Variants in TAFA5 observed in about 807,000 individuals in gnomAD.
TAFA5 encodes TAFA chemokine like family member 5.
In TAFA5, 6 loss-of-function variants were observed where a neutral mutation model predicts 15.3. That is an observed-to-expected ratio of 0.39 (90% confidence interval 0.21 to 0.77). The LOEUF (loss-of-function observed/expected upper bound fraction) is 0.77. TAFA5 is among the 30% of genes least tolerant of loss of function. The pLI is 0.41. For synonymous variants in TAFA5, 103 were observed against 80.7 expected (o/e 1.28, Z -1.48); for missense variants, 161 against 193.1 (o/e 0.83, Z 0.98).
rs113804777 is a variant in TAFA5 at position 48,631,136 on chromosome 22, A to T, written c.113-15461A>T. 2.9e-3 allele frequency among the ~76,000 whole-genome samples: 446 copies of T among 152,264 alleles called. 5 individuals are homozygous for T. The highest frequency in any genetic ancestry group is 9.9e-3 in the African/African-American group (413 of 41,552). ...AGCTCCTTCGGCTCACCCACTCGGGACGGTCAGGGGACCGGGGCTGGGATG... is the reference window on the plus strand; with the variant it reads ...AGCTCCTTCGGCTCACCCACTCGGGTCGGTCAGGGGACCGGGGCTGGGATG... On this transcript the variant is annotated intron_variant, in intron 1 of 3. Coordinates refer to ENST00000402357, the MANE Select transcript of TAFA5 (RefSeq NM_001082967.3).
intron 2 of TAFA5, 30 bp from the exon 3 acceptor site, chr22:48,707,687 C>G: frequency 6.2e-7 from 1 of 1,611,348 alleles, no homozygotes; most frequent in Non-Finnish European, 8.5e-7. Context: ...GAGAGTAGCA[C>G]GCTGATTGCC....
chr22:48,508,884 G>A (rs191450999), intron 1 of TAFA5, among the ~76,000 whole-genome samples: 10 of 152,062 alleles, frequency 6.6e-5, no homozygotes, highest in East Asian at 1.9e-4. Context: ...AGCTGTGGTC[G>A]CCCTACTGTG....
At chr22:48,506,073 C>T (rs1569161599) in intron 1 of TAFA5, among the ~76,000 whole-genome samples, 1 of 152,178 alleles carries the variant, frequency 6.6e-6, no homozygotes, top group Non-Finnish European at 1.5e-5. Flanking sequence ...CAGCTGAGGT[C>T]GCCCTTCCCT....
At chr22:48,604,076 C>T (rs750561832) in intron 1 of TAFA5, among the ~76,000 whole-genome samples, 6 of 152,202 alleles carry the variant, frequency 3.9e-5, no homozygotes, top group Non-Finnish European at 7.3e-5. Context: ...TCACTCCAAG[C>T]GACAGGCGCG....
At chr22:48,679,735 C>T (rs1928116007) in intron 2 of TAFA5, among the ~76,000 whole-genome samples, 1 of 118,690 alleles carries the variant, frequency 8.4e-6, no homozygotes, top group Non-Finnish European at 1.7e-5. Flanking sequence ...CCCGTCCATC[C>T]CTCTCCTGGC....
chr22:48,559,807 G>A (rs1298175326), intron 1 of TAFA5, among the ~76,000 whole-genome samples: 2 of 152,296 alleles, frequency 1.3e-5, no homozygotes, highest in East Asian at 1.9e-4. Context: ...GGCGGAGCGC[G>A]GCGGGGATGG....
chr22:48,671,019 T>C (rs1459597556), intron 2 of TAFA5, among the ~76,000 whole-genome samples: 8 of 152,174 alleles, frequency 5.3e-5, no homozygotes. Context: ...CACAGGAATT[T>C]ATTAGAAAAT....
chr22:48,750,007 C>T lies in TAFA5; in HGVS notation c.*160C>T, dbSNP rs1287824188. ...GAAGGACGGCCTCAGGCCTTGGCAT[C>T]CTGAGCTTCGGTCTGTCCAGCCGAC... On this transcript the variant is annotated 3_prime_UTR_variant, in exon 4 of 4. Coordinates refer to ENST00000402357, the MANE Select transcript of TAFA5 (RefSeq NM_001082967.3). 2 of 723,764 alleles carry T rather than the reference C, an allele frequency of 2.8e-6. No homozygotes were observed. The highest frequency in any genetic ancestry group is 3.5e-5 in the African/African-American group (2 of 56,758). The allele number at this position is 723,764 out of a possible 1,614,324, so 44.8% of individuals were successfully genotyped here. A position where few individuals can be genotyped will look rare whatever the true frequency, so the allele number is the denominator to read the frequency against.
chr22:48,704,136 G>A (rs922855687), intron 2 of TAFA5, among the ~76,000 whole-genome samples: 4 of 152,228 alleles, frequency 2.6e-5, no homozygotes, highest in Admixed American at 6.5e-5. Context: ...AAGCCACACT[G>A]GAGCCTCTTC....
intron 2 of TAFA5, among the ~76,000 whole-genome samples, chr22:48,652,609 C>T (rs984901217): frequency 1.3e-5 from 2 of 152,168 alleles, no homozygotes; most frequent in Non-Finnish European, 1.5e-5. Flanking sequence ...ACCAAATCAT[C>T]GAGGCCCTGA....
chr22:48,686,831 A>G (rs531943439), intron 2 of TAFA5, among the ~76,000 whole-genome samples: 6 of 149,454 alleles, frequency 4.0e-5, no homozygotes, highest in African/African-American at 1.5e-4. Context: ...GGATGGACTG[A>G]TTGATGGATG....
intron 2 of TAFA5, among the ~76,000 whole-genome samples, chr22:48,680,642 A>C (rs1928154326): frequency 6.6e-6 from 1 of 152,202 alleles, no homozygotes; most frequent in Non-Finnish European, 1.5e-5. Context: ...CTGGGCACTG[A>C]CAGCCAGTGT....
chr22:48,581,327 C>A (rs993563061), intron 1 of TAFA5, among the ~76,000 whole-genome samples: 5 of 152,236 alleles, frequency 3.3e-5, no homozygotes, highest in Non-Finnish European at 7.3e-5. Context: ...TGGCAGTGGA[C>A]GGACGGGGCC....
At chr22:48,575,471 C>T (rs1923739083) in intron 1 of TAFA5, among the ~76,000 whole-genome samples, 1 of 146,334 alleles carries the variant, frequency 6.8e-6, no homozygotes, top group African/African-American at 2.4e-5. Flanking sequence ...CGCTCCCCCT[C>T]CCGCCGCCTC....
At chr22:48,696,739 G>T (rs1035272742) in intron 2 of TAFA5, among the ~76,000 whole-genome samples, 2 of 152,260 alleles carry the variant, frequency 1.3e-5, no homozygotes, top group African/African-American at 4.8e-5. Flanking sequence ...GCCAGGAAAT[G>T]AGGGTGGAAT....
intron 1 of TAFA5, among the ~76,000 whole-genome samples, chr22:48,513,031 T>TG (rs1188302634): frequency 6.7e-6 from 1 of 149,738 alleles, no homozygotes; most frequent in African/African-American, 2.5e-5. Context: ...TGGTTTGTGG[T>TG]GGGGGGAGTG....
intron 1 of TAFA5, among the ~76,000 whole-genome samples, chr22:48,527,444 G>A (rs533211028): frequency 2.0e-5 from 3 of 152,218 alleles, no homozygotes; most frequent in African/African-American, 4.8e-5. Flanking sequence ...CAACGGGACC[G>A]TGGACAGTGA....
At chr22:48,714,172 C>G (rs545138362) in intron 3 of TAFA5, among the ~76,000 whole-genome samples, 1 of 152,326 alleles carries the variant, frequency 6.6e-6, no homozygotes, top group South Asian at 2.1e-4. Flanking sequence ...CGCTTTTGCA[C>G]CAGGGTCCCA....
chr22:48,592,555 G>A (rs1302435352), intron 1 of TAFA5, among the ~76,000 whole-genome samples: 5 of 152,166 alleles, frequency 3.3e-5, no homozygotes, highest in African/African-American at 7.2e-5. Context: ...GAAGAACCAC[G>A]AAACGGGTGC....
Sources: allele counts gnomAD v4.1 joint callset (sites outside exome capture counted in the v4.1 genomes callset), GRCh38; gene constraint gnomAD v4.1.1; transcripts MANE v1.5; gene names NCBI Gene and HGNC (gene_info 2026-07-23, HGNC 2026-07-21).